Variants in FRMPD1 observed in about 807,000 individuals in gnomAD.
The protein encoded by FRMPD1 is FERM and PDZ domain containing 1.
A neutral mutation model predicts 117.8 loss-of-function variants in FRMPD1; 76 were observed. The ratio of observed to expected loss-of-function variants is 0.65; its 90% CI spans 0.54 to 0.78. The LOEUF (loss-of-function observed/expected upper bound fraction) is 0.78. FRMPD1 is among the 30% of genes least tolerant of loss of function. FRMPD1 has a pLI of 0.00. For synonymous variants in FRMPD1, 783 were observed against 770.4 expected, an observed-to-expected ratio of 1.02 and a Z score of -0.27; for missense variants, 1,786 against 1,964.5, an observed-to-expected ratio of 0.91 and a Z score of 1.72.
Position 37,697,985 on chromosome 9 carries a change from C to T in FRMPD1, c.101+5243C>T, listed in dbSNP as rs369383455. ...CGAAAATTAGCTGGGCATTGTGGCG[C>T]GTGCCTCTAGTCCCAGCTACTTGGA... On this transcript the variant is annotated intron_variant, in intron 2 of 15. Transcript: ENST00000377765. Among the ~76,000 whole-genome samples the T allele has an allele frequency of 2.3e-3, 351 of 152,160 alleles. 2 individuals are homozygous for T. The highest frequency in any genetic ancestry group is 8.1e-3 in the African/African-American group (337 of 41,522).
intron 14 of FRMPD1, among the ~76,000 whole-genome samples, chr9:37,737,929 C>T (rs1824210701): frequency 6.6e-6 from 1 of 151,912 alleles, no homozygotes; most frequent in South Asian, 2.1e-4. Context: ...CTTACCTATG[C>T]ACTCTTTTGC....
At position 37,733,843 on chromosome 9, in the gene FRMPD1, G is replaced by C. The variant is rs764096701; in HGVS notation, c.1218+18G>C. 6.0e-6 allele frequency: 8 copies of C among 1,329,464 alleles called. No individual in the cohort carries two copies. In the Admixed American group the frequency reaches 1.3e-4, roughly 22 times the overall value. The allele number at this position is 1,329,464 out of a possible 1,614,324, so 82.4% of individuals were successfully genotyped here. On this transcript the variant is annotated intron_variant, in intron 12 of 15. Coordinates refer to ENST00000377765, the MANE Select transcript of FRMPD1 (RefSeq NM_014907.3). ...CTTTAATGGTATGTATTAGAGAACT[G>C]TGAAATCCTACTCACGTAAGGGACC...
chr9:37,667,742 A>G (rs535247475), intron 1 of FRMPD1, among the ~76,000 whole-genome samples: 2 of 152,012 alleles, frequency 1.3e-5, no homozygotes, highest in East Asian at 3.9e-4. Flanking sequence ...CAACCTCTGT[A>G]ATGCAAACCA....
chr9:37,605,371 C>T, the FRMPD1 span, among the ~76,000 whole-genome samples: 13 of 152,304 alleles, frequency 8.5e-5, no homozygotes, highest in Admixed American at 2.0e-4. Flanking sequence ...TGGCAGGACT[C>T]CCCCTTACTG....
chr9:37,608,716 T>C, the FRMPD1 span, among the ~76,000 whole-genome samples: 2 of 152,192 alleles, frequency 1.3e-5, no homozygotes, highest in African/African-American at 4.8e-5. Context: ...AAAGCAACCA[T>C]ATTCATAACT....
intron 1 of FRMPD1, among the ~76,000 whole-genome samples, chr9:37,669,345 C>T (rs1193392561): frequency 6.6e-6 from 1 of 152,200 alleles, no homozygotes; most frequent in Non-Finnish European, 1.5e-5. Context: ...CACCTGTATT[C>T]TCCGAGAGCC....
intron 5 of FRMPD1, among the ~76,000 whole-genome samples, chr9:37,712,563 C>G (rs1190851451): frequency 6.6e-6 from 1 of 152,166 alleles, no homozygotes; most frequent in East Asian, 1.9e-4. Flanking sequence ...GCCACATTGG[C>G]CAGGCTGGTC....
chr9:37,667,276 G>A (rs1173689998), intron 1 of FRMPD1, among the ~76,000 whole-genome samples: 1 of 150,610 alleles, frequency 6.6e-6, no homozygotes, highest in African/African-American at 2.4e-5. Context: ...ATGTTGGCCA[G>A]GCTGGTCTAG....
the FRMPD1 span, among the ~76,000 whole-genome samples, chr9:37,637,991 T>TTTCTTCCTTCCTTCCTTC: frequency 8.9e-6 from 1 of 112,608 alleles, no homozygotes; most frequent in East Asian, 5.1e-4. Flanking sequence ...TTTCTTTCTT[T>TTTCTTCCTTCCTTCCTTC]CTTTCTTTCT....
intron 1 of FRMPD1, 39 bp from the exon 2 acceptor site, chr9:37,692,599 T>C (rs146898533): frequency 7.7e-7 from 1 of 1,291,494 alleles, no homozygotes; most frequent in African/African-American, 1.4e-5. Context: ...CTTTAGAGTA[T>C]TTTGGTTAGC....
At chr9:37,630,670 G>T in the FRMPD1 span, among the ~76,000 whole-genome samples, 1 of 152,052 alleles carries the variant, frequency 6.6e-6, no homozygotes, top group South Asian at 2.1e-4. Context: ...ATCGCTTGAG[G>T]CCAGACTTTC....
chr9:37,745,161 G>T lies in FRMPD1; in HGVS notation c.3129G>T (p.Glu1043Asp). 6.2e-7 allele frequency: 1 copy of T among 1,614,072 alleles called. No individual in the cohort carries two copies. Among genetic ancestry groups the T allele is most frequent in the Non-Finnish European group, 8.5e-7 (1 of 1,180,032 alleles). ...ATGTCTCTCAAGGAGACACACTAGA[G>T]CTCCAGTTGGAGCCCCATGTCCAGT... ...LNNVSQGDTL[E>D]LQLEPHVQLE... is the part of the protein sequence containing the mutation. Residue 1043 changes from glutamate to aspartate, a missense_variant, in exon 16 of 16, where the codon GAG (glutamate) becomes GAT (aspartate). Coordinates refer to ENST00000377765, the MANE Select transcript of FRMPD1 (RefSeq NM_014907.3).
At chr9:37,657,861 T>C (rs1820886823) in intron 1 of FRMPD1, among the ~76,000 whole-genome samples, 1 of 151,926 alleles carries the variant, frequency 6.6e-6, no homozygotes, top group Non-Finnish European at 1.5e-5. Context: ...TCCCCTAGCA[T>C]ACCCAGCCTC....
At chr9:37,743,520 CTTTTTTTTT>C (rs531949141) in intron 15 of FRMPD1, among the ~76,000 whole-genome samples, 1 of 40,900 alleles carries the variant, frequency 2.4e-5, no homozygotes, top group African/African-American at 7.5e-5. Context: ...AATGGCTCTG[CTTTTTTTTT>C]TTTTTTTTTT....
the FRMPD1 span, among the ~76,000 whole-genome samples, chr9:37,610,437 ATTTTAT>A: frequency 6.6e-6 from 1 of 151,498 alleles, no homozygotes; most frequent in Non-Finnish European, 1.5e-5. Flanking sequence ...ATTTTATTTT[ATTTTAT>A]TTTTTTAGAG....
At chr9:37,675,302 A>G (rs1014781023) in intron 1 of FRMPD1, among the ~76,000 whole-genome samples, 1 of 152,032 alleles carries the variant, frequency 6.6e-6, no homozygotes, top group African/African-American at 2.4e-5. Flanking sequence ...CACACCAGTA[A>G]TCCAGCTACT....
intron 12 of FRMPD1, among the ~76,000 whole-genome samples, chr9:37,734,088 A>G (rs1265302388): frequency 6.6e-6 from 1 of 152,198 alleles, no homozygotes; most frequent in African/African-American, 2.4e-5. Context: ...AACAAAATGA[A>G]GCAAAGCCAT....
Position 37,745,764 on chromosome 9 carries a change from C to T in FRMPD1, c.3732C>T (p.Ser1244=). ...GGCAAGATATAGCCCCTAGGGACAG[C>T]CCTGAGTGGGTCTGTTTTAATCCTG... ...VTGQDIAPRD[S]PEWVCFNPEP... is the part of the protein sequence containing the mutation. Residue 1244 remains serine (S), a synonymous_variant, in exon 16 of 16, where the codon AGC becomes AGT. Coordinates refer to ENST00000377765, the MANE Select transcript of FRMPD1 (RefSeq NM_014907.3). 1.2e-6 allele frequency: 2 copies of T among 1,614,142 alleles called. 1 individual carries two copies. Among genetic ancestry groups the T allele is most frequent in the South Asian group, 2.2e-5 (2 of 91,084 alleles).
chr9:37,746,299 A>G lies in FRMPD1; in HGVS notation c.4267A>G (p.Ile1423Val), dbSNP rs769862842. ...CCCTGCCAGCACCCCTGAGGGCTTC[A>G]TCCAACTCATGGAGAGCTTGCTGGA... ...ATPASTPEGF[I>V]QLMESLLELQ... The change falls in exon 16 of 16, where the codon ATC (isoleucine) becomes GTC (valine). Residue 1423 changes from isoleucine to valine, a missense_variant. Transcript: ENST00000377765. The G allele has an allele frequency of 1.9e-6, 3 of 1,612,832 alleles. No individual in the cohort carries two copies. The highest frequency in any genetic ancestry group is 2.2e-5 in the South Asian group (2 of 91,060).
Sources: allele counts gnomAD v4.1 joint callset (sites outside exome capture counted in the v4.1 genomes callset), GRCh38; gene constraint gnomAD v4.1.1; transcripts MANE v1.5; gene names NCBI Gene and HGNC (gene_info 2026-07-23, HGNC 2026-07-21).